The following ARHGEF33 variants were observed in gnomAD, a reference collection of about 807,000 sequenced individuals.
ARHGEF33 encodes DH and coiled-coil domain-containing protein ENSP00000381780.
A neutral mutation model predicts 101.9 loss-of-function variants in ARHGEF33; 72 were observed. That is an observed-to-expected ratio of 0.71 (90% confidence interval 0.58 to 0.86). ARHGEF33 has a LOEUF of 0.86. Ranked by LOEUF, ARHGEF33 falls within the 40% of genes least tolerant of loss-of-function variation. The pLI is 0.00. For missense variants in ARHGEF33, 1,169 were observed against 1,111.3 expected, an observed-to-expected ratio of 1.05 and a Z score of -0.74; for synonymous variants, 499 against 442.5, an observed-to-expected ratio of 1.13 and a Z score of -1.60.
chr2:38,954,657 A>G (rs1667695977), intron 13 of ARHGEF33, among the ~76,000 whole-genome samples: 1 of 141,396 alleles, frequency 7.1e-6, no homozygotes, highest in Non-Finnish European at 1.5e-5. Flanking sequence ...TTTTTGAGAC[A>G]GAGTCTTGCT....
intron 17 of ARHGEF33, chr2:38,971,857 G>A (rs1433154025): frequency 2.8e-6 from 2 of 718,484 alleles, no homozygotes; most frequent in Non-Finnish European, 5.2e-6. Context: ...GGCGATTTTG[G>A]CATTTGTTTC....
At chr2:38,921,509 A>G (rs1266640008) in intron 4 of ARHGEF33, 86 bp downstream of exon 4, 1 of 919,636 alleles carries the variant, frequency 1.1e-6, no homozygotes, top group South Asian at 1.4e-5. Context: ...TTTAGCACTC[A>G]CAAGTGCTTC....
At position 38,953,157 on chromosome 2, in the gene ARHGEF33, T is replaced by C. The variant is rs755832088; in HGVS notation, c.1054-5T>C. 11 of 1,432,752 alleles carry C rather than the reference T, an allele frequency of 7.7e-6. No individual in the cohort carries two copies. In the East Asian group the frequency reaches 1.5e-4, roughly 19 times the overall value. 88.8% of individuals were successfully genotyped at this position (1,432,752 alleles called of 1,614,324 possible). On this transcript the variant is annotated splice_region_variant and splice_polypyrimidine_tract_variant and intron_variant, in intron 11 of 17. Transcript: ENST00000409978. ...TTACCATGCATTTTTGTGTTTGTTT[T>C]AAAGAATAATTTCTTGGATTATTAT...
At chr2:38,927,888 C>A (rs758714334) in intron 4 of ARHGEF33, among the ~76,000 whole-genome samples, 1 of 152,112 alleles carries the variant, frequency 6.6e-6, no homozygotes, top group Non-Finnish European at 1.5e-5. Context: ...ATGCTTTTTT[C>A]ATTTGTTCAA....
chr2:38,951,352 G>C (rs441869), intron 11 of ARHGEF33, among the ~76,000 whole-genome samples: 144,272 of 152,296 alleles, frequency 0.95, 68,469 homozygotes, highest in African/African-American at 0.99. Flanking sequence ...ACTTTCAGAG[G>C]CCTAAGTTAG....
rs1388153698 is a variant in ARHGEF33 at position 38,929,786 on chromosome 2, G to A, written c.318G>A (p.Gln106=). The change falls in exon 6 of 18, where the codon CAG becomes CAA. Residue 106 remains glutamine (Q), a synonymous_variant. Coordinates refer to ENST00000409978, the MANE Select transcript of ARHGEF33 (RefSeq NM_001145451.5). ...AAGAAATGCAACAGAAAATCGAGCA[G>A]CTTCAACAGGAGAAGCGAAGAGAAT... ...KQEEMQQKIE[Q]LQQEKRRESR... is the part of the protein sequence containing the mutation. 4 of 1,551,704 alleles carry A rather than the reference G, an allele frequency of 2.6e-6. No homozygotes were observed. Among genetic ancestry groups the A allele is most frequent in the Admixed American group, 2.0e-5 (1 of 51,000 alleles).
At position 38,974,100 on chromosome 2, in the gene ARHGEF33, T is replaced by A. The variant is rs1174617070; in HGVS notation, c.*257T>A. The A allele has an allele frequency of 6.2e-6, 1 of 161,282 alleles. No homozygotes were observed. The highest frequency in any genetic ancestry group is 1.3e-5 in the Non-Finnish European group (1 of 75,018). 10.0% of individuals were successfully genotyped at this position (161,282 alleles called of 1,614,324 possible). A position where few individuals can be genotyped will look rare whatever the true frequency, so the allele number is the denominator to read the frequency against. On this transcript the variant is annotated 3_prime_UTR_variant, in exon 18 of 18. Coordinates refer to ENST00000409978, the MANE Select transcript of ARHGEF33 (RefSeq NM_001145451.5). ...AAAAGGGAAATGAAGACTTTTCACA[T>A]CATTACAGAAAAACACAATAAATTT...
chr2:38,937,187 G>A (rs369206658), intron 8 of ARHGEF33, 148 bp from the exon 9 acceptor site: 5 of 591,242 alleles, frequency 8.5e-6, no homozygotes, highest in African/African-American at 1.9e-5. Context: ...GTAGAGACAG[G>A]GTTTCACCAT....
At chr2:38,919,774 C>T (rs141190312) in intron 3 of ARHGEF33, among the ~76,000 whole-genome samples, 1 of 152,306 alleles carries the variant, frequency 6.6e-6, no homozygotes, top group African/African-American at 2.4e-5. Context: ...CTAGACTAGC[C>T]TAGAAGCATA....
At chr2:38,915,803 A>G (rs1666621337) in intron 2 of ARHGEF33, among the ~76,000 whole-genome samples, 1 of 152,164 alleles carries the variant, frequency 6.6e-6, no homozygotes, top group Non-Finnish European at 1.5e-5. Flanking sequence ...AAAGTGGAAG[A>G]ATTGCTTGAG....
chr2:38,929,935 CTG>C (rs1183350533), intron 6 of ARHGEF33, 105 bp downstream of exon 6: 1 of 957,212 alleles, frequency 1.0e-6, no homozygotes, highest in Non-Finnish European at 1.5e-6. Context: ...TAGCTGGCCA[CTG>C]TGCTCCACAG....
chr2:38,942,548 T>G (rs1021041764), intron 9 of ARHGEF33, among the ~76,000 whole-genome samples: 1 of 151,290 alleles, frequency 6.6e-6, no homozygotes, highest in African/African-American at 2.4e-5. Flanking sequence ...TTTTAAGCAA[T>G]GTTTAAAAGT....
intron 10 of ARHGEF33, among the ~76,000 whole-genome samples, chr2:38,947,761 A>G (rs574913371): frequency 2.0e-5 from 3 of 152,112 alleles, no homozygotes; most frequent in South Asian, 4.1e-4. Flanking sequence ...CAGGATTGTC[A>G]ATTAGCCTTG....
intron 9 of ARHGEF33, among the ~76,000 whole-genome samples, chr2:38,938,229 G>A (rs1231762875): frequency 6.6e-6 from 1 of 152,028 alleles, no homozygotes; most frequent in Non-Finnish European, 1.5e-5. Context: ...GTCTTCCCCT[G>A]CTTCTATGTT....
At chr2:38,919,572 T>C in intron 3 of ARHGEF33, 100 bp downstream of exon 3, 1 of 1,203,412 alleles carries the variant, frequency 8.3e-7, no homozygotes, top group South Asian at 1.3e-5. Flanking sequence ...GTATGTTAAC[T>C]ATTTTCATTT....
At chr2:38,972,779 T>C (rs1427900323) in intron 17 of ARHGEF33, among the ~76,000 whole-genome samples, 3 of 152,214 alleles carry the variant, frequency 2.0e-5, no homozygotes, top group Non-Finnish European at 4.4e-5. Context: ...TGGTGGATAG[T>C]GGAAGCATAC....
chr2:38,904,469 G>T (rs1193226749), intron 2 of ARHGEF33, among the ~76,000 whole-genome samples: 3 of 152,142 alleles, frequency 2.0e-5, no homozygotes, highest in Non-Finnish European at 4.4e-5. Flanking sequence ...ACTTTGGGTG[G>T]CTGAGGCAGG....
intron 2 of ARHGEF33, among the ~76,000 whole-genome samples, chr2:38,903,772 A>G (rs1404804408): frequency 6.6e-6 from 1 of 152,148 alleles, no homozygotes; most frequent in Non-Finnish European, 1.5e-5. Flanking sequence ...CTTTTGTTCT[A>G]CTCACCCAGT....
At chr2:38,950,075 G>A (rs1667560876) in intron 10 of ARHGEF33, among the ~76,000 whole-genome samples, 1 of 152,194 alleles carries the variant, frequency 6.6e-6, no homozygotes, top group Non-Finnish European at 1.5e-5. Flanking sequence ...GAGTTGGGCA[G>A]GGACACACAT....
Sources: gnomAD v4.1 joint callset for allele counts (sites outside exome capture counted in the v4.1 genomes callset) on GRCh38, gnomAD v4.1.1 for gene constraint, MANE v1.5 for transcripts, NCBI Gene and HGNC (gene_info 2026-07-23, HGNC 2026-07-21) for gene names.